Variants in ATF1 observed in about 807,000 individuals in gnomAD.
The protein encoded by ATF1 is activating transcription factor 1.
ATF1 carries 16 observed loss-of-function variants against 34.7 expected under a neutral mutation model. That is an observed-to-expected ratio of 0.46 (90% CI 0.31 to 0.70). The LOEUF is 0.70. ATF1 is among the 30% of genes least tolerant of loss of function. The probability of loss-of-function intolerance (pLI) is 0.05; values close to 1 mark genes in which losing one functional copy is unlikely to be tolerated. For synonymous variants in ATF1, 105 were observed against 113.1 expected, an observed-to-expected ratio of 0.93 and a Z score of 0.46; for missense variants, 255 against 321.6, an observed-to-expected ratio of 0.79 and a Z score of 1.58.
intron 1 of ATF1, among the ~76,000 whole-genome samples, chr12:50,765,985 T>C (rs149958145): frequency 2.8e-3 from 432 of 152,334 alleles, no homozygotes; most frequent in Non-Finnish European, 4.7e-3. Flanking sequence ...TTCTTCATAA[T>C]GTTACTTTTA....
intron 2 of ATF1, among the ~76,000 whole-genome samples, chr12:50,788,690 A>G (rs1467515377): frequency 2.0e-5 from 3 of 152,130 alleles, no homozygotes; most frequent in Admixed American, 6.5e-5. Flanking sequence ...TCTAACTCCA[A>G]AAACACTCAC....
At chr12:50,806,587 C>CA (rs1408589851) in intron 3 of ATF1, 1 of 190,736 alleles carries the variant, frequency 5.2e-6, no homozygotes, top group Non-Finnish European at 1.1e-5. Flanking sequence ...TCTTTATACT[C>CA]AAAGTGTTTC....
chr12:50,784,479 G>T (rs1018468003), intron 2 of ATF1, among the ~76,000 whole-genome samples: 2 of 152,152 alleles, frequency 1.3e-5, no homozygotes, highest in African/African-American at 4.8e-5. Flanking sequence ...ATATGTGCTT[G>T]ATATGGTCAA....
intron 3 of ATF1, among the ~76,000 whole-genome samples, chr12:50,804,561 T>C (rs1205742763): frequency 6.6e-6 from 1 of 152,116 alleles, no homozygotes; most frequent in Non-Finnish European, 1.5e-5. Flanking sequence ...TGTGTGCCTC[T>C]GGTCCCAGCT....
At chr12:50,776,375 C>T (rs960345348) in intron 1 of ATF1, among the ~76,000 whole-genome samples, 2 of 146,058 alleles carry the variant, frequency 1.4e-5, no homozygotes, top group Admixed American at 7.0e-5. Context: ...TGCCTGTGGT[C>T]CTAGCTGCTT....
In ATF1 at chr12:50,795,935, G is replaced by C. The variant is rs761667889; in HGVS notation, c.120G>C (p.Glu40Asp). 1 of 1,613,344 alleles carries C rather than the reference G, an allele frequency of 6.2e-7. No homozygotes were observed. The highest frequency in any genetic ancestry group is 8.5e-7 in the Non-Finnish European group (1 of 1,179,788). Residue 40 changes from glutamate (E) to aspartate (D), a missense_variant, in exon 3 of 7, where the codon GAG (glutamate) becomes GAC (aspartate). Physicochemically the swap from Glu to Asp is conservative, Grantham distance 45. This residue lies in a region of ATF1 where 221 missense variants were observed against 250.7 expected (regional missense o/e 0.88). Transcript: ENST00000262053. ...QQVSSLSESEESQDSSDSIGS... is the reference protein window; with the variant it reads ...QQVSSLSESEDSQDSSDSIGS... ...TATCATCTTTATCAGAAAGTGAGGA[G>C]TCCCAGGACTCATCCGACAGCATAG...
intron 3 of ATF1, among the ~76,000 whole-genome samples, chr12:50,801,016 A>G (rs7976942): frequency 0.34 from 51,493 of 152,016 alleles, 9,639 homozygotes; most frequent in African/African-American, 0.48. Context: ...CAGGAGAATC[A>G]CTTGAACCTG....
In ATF1 at chr12:50,821,066, C is replaced by CTCTT. The variant is rs1472148768; in HGVS notation, c.*1288_*1291dup. On this transcript the variant is annotated 3_prime_UTR_variant, in exon 7 of 7. Coordinates refer to ENST00000262053, the MANE Select transcript of ATF1 (RefSeq NM_005171.5). ...AATTGTACTGCAAAACTATTGTGTG[C>CTCTT]TCTTACACAGTATGCATCATATTGT... The CTCTT allele has an allele frequency of 5.6e-6, 1 of 179,576 alleles. No homozygotes were observed. Among genetic ancestry groups the CTCTT allele is most frequent in the African/African-American group, 2.4e-5 (1 of 42,324 alleles). The allele number at this position is 179,576 out of a possible 1,614,324, so 11.1% of individuals were successfully genotyped here. A position where few individuals can be genotyped will look rare whatever the true frequency, so the allele number is the denominator to read the frequency against.
intron 2 of ATF1, among the ~76,000 whole-genome samples, chr12:50,782,501 C>A (rs1344524815): frequency 6.6e-6 from 1 of 151,006 alleles, no homozygotes; most frequent in Non-Finnish European, 1.5e-5. Context: ...GTGATCCACC[C>A]GCCTCAGCCT....
intron 2 of ATF1, among the ~76,000 whole-genome samples, chr12:50,787,308 T>C (rs1941205571): frequency 1.3e-5 from 2 of 152,296 alleles, no homozygotes; most frequent in African/African-American, 2.4e-5. Context: ...CTGTTGGAAC[T>C]ATCAGAGAGT....
intron 2 of ATF1, among the ~76,000 whole-genome samples, chr12:50,795,168 TCA>T (rs1417399839): frequency 6.6e-6 from 1 of 152,210 alleles, no homozygotes; most frequent in Non-Finnish European, 1.5e-5. Flanking sequence ...TGGTCTGTTC[TCA>T]GTCTTTATTT....
At chr12:50,787,433 A>G (rs1431311831) in intron 2 of ATF1, among the ~76,000 whole-genome samples, 1 of 152,172 alleles carries the variant, frequency 6.6e-6, no homozygotes, top group Non-Finnish European at 1.5e-5. Context: ...AAAAAGTCAA[A>G]TGGAAATGTT....
At chr12:50,788,349 AAC>A (rs1428102816) in intron 2 of ATF1, 1 of 372,476 alleles carries the variant, frequency 2.7e-6, no homozygotes, top group South Asian at 1.9e-5. Context: ...CATCCGGCTA[AAC>A]TTTTTGTATT....
At chr12:50,788,287 A>G (rs771283649) in intron 2 of ATF1, 34 of 449,028 alleles carry the variant, frequency 7.6e-5, no homozygotes, top group South Asian at 3.5e-4. Flanking sequence ...TGCTCAAGCA[A>G]TCCTCCTGCC....
Position 50,785,052 on chromosome 12 carries a change from C to T in ATF1, c.93+4814C>T, listed in dbSNP as rs971762711. Among the ~76,000 whole-genome samples, 11 of 147,370 alleles carry T rather than the reference C, an allele frequency of 7.5e-5. No homozygotes were observed. The South Asian group carries it at 1.8e-3, about 24-fold the overall frequency. On this transcript the variant is annotated intron_variant, in intron 2 of 6. Coordinates refer to ENST00000262053, the MANE Select transcript of ATF1 (RefSeq NM_005171.5). The stretch of plus-strand genomic sequence containing the variant: ...CCTAATGCTATCCCTCCCCCCTCCC[C>T]GCTGGATGTGGAGTTTTAAATAAAG...
In ATF1 at chr12:50,793,547, C is replaced by T. The variant is rs58642620; in HGVS notation, c.94-2362C>T. Among the ~76,000 whole-genome samples the T allele has an allele frequency of 8.4e-3, 1,264 of 151,108 alleles. 21 individuals are homozygous for T. The highest frequency in any genetic ancestry group is 0.029 in the African/African-American group (1,197 of 41,146). On this transcript the variant is annotated intron_variant, in intron 2 of 6. Coordinates refer to ENST00000262053, the MANE Select transcript of ATF1 (RefSeq NM_005171.5). ...ACTTGGGAGGCTGAGGCAGGAGAAT[C>T]GCTTGAACCCGGGAGGCAGAAGCTG...
chr12:50,771,656 A>T (rs567503497), intron 1 of ATF1, among the ~76,000 whole-genome samples: 31 of 152,256 alleles, frequency 2.0e-4, no homozygotes, highest in African/African-American at 7.5e-4. Flanking sequence ...GGCTGGGTAA[A>T]ATGAGGCTAA....
chr12:50,812,426 A>C (rs1395000459), intron 4 of ATF1, among the ~76,000 whole-genome samples: 1 of 152,104 alleles, frequency 6.6e-6, no homozygotes, highest in African/African-American at 2.4e-5. Flanking sequence ...AGATAATGGG[A>C]CCTTTAATTT....
chr12:50,791,260 A>G (rs1262485338), intron 2 of ATF1, among the ~76,000 whole-genome samples: 3 of 152,184 alleles, frequency 2.0e-5, no homozygotes, highest in African/African-American at 7.2e-5. Flanking sequence ...GTGAAAGAAG[A>G]AAGGGAACAG....
Sources: gnomAD v4.1 joint callset for allele counts (sites outside exome capture counted in the v4.1 genomes callset) on GRCh38, gnomAD v4.1.1 for gene constraint, gnomAD v4.1.1 regional missense constraint, MANE v1.5 for transcripts, NCBI Gene and HGNC (gene_info 2026-07-23, HGNC 2026-07-21) for gene names.